The following MBNL3 variants were observed in gnomAD, a reference collection of about 807,000 sequenced individuals.
MBNL3 encodes muscleblind like splicing regulator 3.
Under a neutral mutation model 24.5 loss-of-function variants are expected in MBNL3, and 6 were observed. That is an observed-to-expected ratio of 0.25 (90% CI 0.13 to 0.48). The LOEUF (loss-of-function observed/expected upper bound fraction) is 0.48. MBNL3 is among the 20% of genes least tolerant of loss of function. The pLI, the probability that MBNL3 is intolerant of heterozygous loss-of-function variation, is 0.99. For missense variants in MBNL3, 230 were observed against 293.5 expected (o/e 0.78, Z 1.58); for synonymous variants, 100 against 101.7 (o/e 0.98, Z 0.10).
chrX:132,489,306 C>T (rs1013524242), upstream of MBNL3, among the ~76,000 whole-genome samples: 6 of 112,255 alleles, frequency 5.3e-5, no homozygotes, highest in Non-Finnish European at 1.1e-4. Flanking sequence ...GGCCCCTTCC[C>T]GGGGCCGGCC....
chrX:132,447,763 C>T (rs897280915), intron 1 of MBNL3, among the ~76,000 whole-genome samples: 1 of 111,821 alleles, frequency 8.9e-6, no homozygotes, highest in Non-Finnish European at 1.9e-5. Context: ...GCCTGATTGC[C>T]CTGGCCAGAA....
chrX:132,424,279 G>A (rs1430545856), intron 2 of MBNL3, among the ~76,000 whole-genome samples: 2 of 112,176 alleles, frequency 1.8e-5, no homozygotes, highest in African/African-American at 6.5e-5. Flanking sequence ...TTATGCCATG[G>A]AAACTGCCCA....
Position 132,406,149 on chromosome X carries a change from A to C in MBNL3, c.342+79T>G, listed in dbSNP as rs770158222. ...AGTTTGTGTCCTAAATCCTGTTGCA[A>C]CTAATTTCCCCAAGTCCCTGCCAGG... On this transcript the variant is annotated intron_variant, in intron 3 of 8. Coordinates refer to ENST00000370853, the MANE Select transcript of MBNL3 (RefSeq NM_001386889.1). 2.4e-5 allele frequency: 26 copies of C among 1,104,739 alleles called. No individual in the cohort carries two copies. The African/African-American group carries it at 4.7e-4, about 20-fold the overall frequency. 91.0% of individuals were successfully genotyped at this position (1,104,739 alleles called of 1,213,427 possible). A position where few individuals can be genotyped will look rare whatever the true frequency, so the allele number is the denominator to read the frequency against.
At chrX:132,458,506 G>A (rs1432304415) in intron 1 of MBNL3, among the ~76,000 whole-genome samples, 1 of 110,793 alleles carries the variant, frequency 9.0e-6, no homozygotes, top group African/African-American at 3.3e-5. Context: ...TTCTGGCGTG[G>A]GCTTTGTGCT....
intron 1 of MBNL3, among the ~76,000 whole-genome samples, chrX:132,486,809 G>A (rs1311645508): frequency 3.6e-5 from 4 of 111,779 alleles, no homozygotes; most frequent in African/African-American, 1.3e-4. Context: ...CAGCTGTTGT[G>A]AAATGCCTGA....
At chrX:132,489,749 G>T (rs1569465802), upstream of MBNL3, 1 of 108,445 alleles carries the variant, frequency 9.2e-6, no homozygotes, top group Admixed American at 9.5e-5. Flanking sequence ...ACTCGGAAGC[G>T]GCGCACGCGG....
chrX:132,381,493 G>C, intron 8 of MBNL3: 1 of 742,143 alleles, frequency 1.3e-6, no homozygotes. Context: ...TGTTTATGTT[G>C]TTATATATGT....
At chrX:132,436,183 A>C (rs1461569569) in intron 2 of MBNL3, among the ~76,000 whole-genome samples, 1 of 111,851 alleles carries the variant, frequency 8.9e-6, no homozygotes, top group African/African-American at 3.2e-5. Context: ...AAGGCAACAG[A>C]GTCAAAAACA....
chrX:132,445,044 C>G (rs1945626816), intron 1 of MBNL3, among the ~76,000 whole-genome samples: 1 of 111,699 alleles, frequency 9.0e-6, no homozygotes, highest in African/African-American at 3.3e-5. Context: ...AGTGCCTGGT[C>G]CAGAAGATCA....
Position 132,406,373 on chromosome X carries a change from T to C in MBNL3, c.197A>G (p.Asn66Ser). ...TGGAGGAGGGTGAAGGTACTTGCAGTTCTCTCGGGTACACCGACCCTGACA... is the reference window on the plus strand; with the variant it reads ...TGGAGGAGGGTGAAGGTACTTGCAGCTCTCTCGGGTACACCGACCCTGACA... Reference protein sequence around the residue: ...DSLKGRCTRENCKYLHPPPHL... With the variant: ...DSLKGRCTRESCKYLHPPPHL... Residue 66 changes from asparagine (N) to serine (S), a missense_variant, in exon 3 of 9, where the codon AAC becomes AGC. Physicochemically the swap from Asn to Ser is conservative, Grantham distance 46. Transcript: ENST00000370853. 1 of 1,201,574 alleles carries C rather than the reference T, an allele frequency of 8.3e-7. No homozygotes were observed. The highest frequency in any genetic ancestry group is 1.1e-6 in the Non-Finnish European group (1 of 889,230).
intron 2 of MBNL3, among the ~76,000 whole-genome samples, chrX:132,436,657 A>G (rs1945133477): frequency 1.8e-5 from 2 of 112,048 alleles, no homozygotes; most frequent in South Asian, 3.7e-4. Context: ...CCACTGAGGT[A>G]TGTTATTTGT....
chrX:132,435,283 T>C (rs1187612753), intron 2 of MBNL3, among the ~76,000 whole-genome samples: 2 of 111,792 alleles, frequency 1.8e-5, no homozygotes, highest in Admixed American at 9.5e-5. Context: ...AAGGTTAGCA[T>C]CATAGAAAAT....
chrX:132,462,696 ATGTG>A (rs752541854), intron 1 of MBNL3, among the ~76,000 whole-genome samples: 4 of 108,539 alleles, frequency 3.7e-5, no homozygotes, highest in East Asian at 5.7e-4. Flanking sequence ...GTGTGCATGC[ATGTG>A]TGTGTGTGTG....
At chrX:132,418,363 C>T (rs983701522) in intron 2 of MBNL3, among the ~76,000 whole-genome samples, 6 of 111,771 alleles carry the variant, frequency 5.4e-5, no homozygotes, top group Non-Finnish European at 1.1e-4. Context: ...TATGCATTAA[C>T]TCATTTAATC....
At chrX:132,400,519 A>G (rs778146686) in intron 3 of MBNL3, among the ~76,000 whole-genome samples, 1 of 111,930 alleles carries the variant, frequency 8.9e-6, no homozygotes, top group South Asian at 3.7e-4. Flanking sequence ...AGCTTAGACC[A>G]CTGGGTGGGG....
chrX:132,443,684 T>C (rs770309481), intron 1 of MBNL3, among the ~76,000 whole-genome samples: 1 of 111,530 alleles, frequency 9.0e-6, no homozygotes, highest in Non-Finnish European at 1.9e-5. Flanking sequence ...CTAGGAATTC[T>C]GACTTCAGTA....
At chrX:132,457,207 A>T (rs983547057) in intron 1 of MBNL3, among the ~76,000 whole-genome samples, 3 of 111,781 alleles carry the variant, frequency 2.7e-5, no homozygotes, top group Non-Finnish European at 3.8e-5. Context: ...AAAATTTTTT[A>T]AAAAAAGATT....
intron 1 of MBNL3, among the ~76,000 whole-genome samples, chrX:132,470,751 G>C (rs956373943): frequency 3.6e-5 from 4 of 111,624 alleles, no homozygotes; most frequent in African/African-American, 1.3e-4. Context: ...TAATTTGGAA[G>C]TGAATTGTAA....
chrX:132,378,948 C>T lies in MBNL3; in HGVS notation c.*718G>A, dbSNP rs925407339. 1.8e-5 allele frequency: 2 copies of T among 111,676 alleles called. No homozygotes were observed. Among genetic ancestry groups the T allele is most frequent in the African/African-American group, 6.5e-5 (2 of 30,741 alleles). 9.2% of individuals were successfully genotyped at this position (111,676 alleles called of 1,213,427 possible). Reference sequence around the variant, plus strand: ...TTATGCAACATCAGATCTGCAGGTACAAATTATACACATGCATGTTAATGA... The same window carrying T: ...TTATGCAACATCAGATCTGCAGGTATAAATTATACACATGCATGTTAATGA... On this transcript the variant is annotated 3_prime_UTR_variant, in exon 9 of 9. Transcript: ENST00000370853.
Sources: gnomAD v4.1 joint callset for allele counts (sites outside exome capture counted in the v4.1 genomes callset) on GRCh38, gnomAD v4.1.1 for gene constraint, MANE v1.5 for transcripts, NCBI Gene and HGNC (gene_info 2026-07-23, HGNC 2026-07-21) for gene names.